CNTNAP2: variants seen among roughly 807,000 people sequenced by gnomAD.
CNTNAP2 encodes the protein contactin associated protein 2.
CNTNAP2 carries 98 observed loss-of-function variants against 155.2 expected under a neutral mutation model. That is an observed-to-expected ratio of 0.63 (90% CI 0.54 to 0.75). CNTNAP2 has a LOEUF of 0.75. Among genes scored for constraint, CNTNAP2 ranks in the 30% least tolerant of loss-of-function variants. CNTNAP2 has a pLI of 0.00. For missense variants in CNTNAP2, 1,727 were observed against 1,688.1 expected, an observed-to-expected ratio of 1.02 and a Z score of -0.40; for synonymous variants, 651 against 631.2, an observed-to-expected ratio of 1.03 and a Z score of -0.47.
chr7:147,033,195 T>TATATATATATAC (rs1799077114), intron 3 of CNTNAP2, among the ~76,000 whole-genome samples: 3 of 120,302 alleles, frequency 2.5e-5, no homozygotes, highest in Admixed American at 1.7e-4. Flanking sequence ...TATATATATA[T>TATATATATATAC]ATATATATGG....
chr7:146,457,727 T>A (rs1423875594), intron 1 of CNTNAP2, among the ~76,000 whole-genome samples: 4 of 151,194 alleles, frequency 2.6e-5, no homozygotes, highest in African/African-American at 9.7e-5. Flanking sequence ...ATGGTCTCGA[T>A]CTCCTGACCT....
chr7:147,186,124 T>C (rs1424967318), intron 8 of CNTNAP2, among the ~76,000 whole-genome samples: 3 of 152,066 alleles, frequency 2.0e-5, no homozygotes, highest in African/African-American at 7.2e-5. Context: ...AGAAGGAAAA[T>C]ATTACATTTC....
At chr7:147,637,517 G>A (rs748420763) in intron 12 of CNTNAP2, among the ~76,000 whole-genome samples, 2 of 152,066 alleles carry the variant, frequency 1.3e-5, no homozygotes, top group Non-Finnish European at 2.9e-5. Context: ...TCTACAGCAC[G>A]CTCTCTCTTG....
chr7:148,355,417 G>T (rs1208187744), intron 21 of CNTNAP2, among the ~76,000 whole-genome samples: 3 of 151,784 alleles, frequency 2.0e-5, no homozygotes, highest in African/African-American at 4.8e-5. Context: ...TCAACTGCCT[G>T]TTTTTTTCTG....
chr7:146,743,553 G>A (rs578009812), intron 1 of CNTNAP2, among the ~76,000 whole-genome samples: 1 of 151,000 alleles, frequency 6.6e-6, no homozygotes, highest in East Asian at 1.9e-4. Context: ...ACTCTTCTAT[G>A]CACTCCTGCC....
intron 1 of CNTNAP2, among the ~76,000 whole-genome samples, chr7:146,325,142 G>A (rs1801075469): frequency 6.6e-6 from 1 of 151,910 alleles, no homozygotes; most frequent in Non-Finnish European, 1.5e-5. Context: ...TGTTGCCCAG[G>A]CTGGTCTTGA....
At chr7:148,414,114 T>A (rs368858088) in intron 23 of CNTNAP2, among the ~76,000 whole-genome samples, 1,852 of 45,018 alleles carry the variant, frequency 0.041, 32 homozygotes, top group Middle Eastern at 0.16. Flanking sequence ...CCCCCCCCCC[T>A]CACACAAGCT....
At chr7:148,188,554 G>A (rs1367857151) in intron 18 of CNTNAP2, among the ~76,000 whole-genome samples, 1 of 152,108 alleles carries the variant, frequency 6.6e-6, no homozygotes, top group Non-Finnish European at 1.5e-5. Flanking sequence ...GTCTGCACTG[G>A]CAAAAAGAGA....
intron 3 of CNTNAP2, among the ~76,000 whole-genome samples, chr7:146,947,250 G>T (rs941166851): frequency 6.6e-6 from 1 of 151,304 alleles, no homozygotes; most frequent in Admixed American, 6.6e-5. Flanking sequence ...AAGTGGTGGT[G>T]TACATTTTGA....
intron 1 of CNTNAP2, among the ~76,000 whole-genome samples, chr7:146,188,346 A>G (rs1379874228): frequency 2.0e-5 from 3 of 152,220 alleles, no homozygotes; most frequent in Admixed American, 6.5e-5. Context: ...CTCAAAGTAT[A>G]TTAAGGCTGC....
At chr7:147,860,801 T>G (rs961270512) in intron 13 of CNTNAP2, among the ~76,000 whole-genome samples, 4 of 152,146 alleles carry the variant, frequency 2.6e-5, no homozygotes, top group Non-Finnish European at 4.4e-5. Context: ...GAAAATGCAC[T>G]AATACAATAT....
chr7:147,813,841 G>A (rs1474015764), intron 13 of CNTNAP2, among the ~76,000 whole-genome samples: 1 of 152,124 alleles, frequency 6.6e-6, no homozygotes, highest in African/African-American at 2.4e-5. Context: ...AAGGAATCTG[G>A]TATGATGATG....
At chr7:147,604,710 A>T (rs146073931) in intron 12 of CNTNAP2, among the ~76,000 whole-genome samples, 1 of 152,244 alleles carries the variant, frequency 6.6e-6, no homozygotes, top group African/African-American at 2.4e-5. Context: ...GAACCAACCA[A>T]TCCAGCAACT....
chr7:147,192,090 T>TA (rs1436830084), intron 8 of CNTNAP2, among the ~76,000 whole-genome samples: 1 of 152,178 alleles, frequency 6.6e-6, no homozygotes, highest in Non-Finnish European at 1.5e-5. Context: ...AGTAAATAAA[T>TA]AAATGCATAA....
intron 1 of CNTNAP2, among the ~76,000 whole-genome samples, chr7:146,631,600 C>T (rs186480108): frequency 2.6e-5 from 4 of 152,244 alleles, no homozygotes; most frequent in Non-Finnish European, 1.5e-5. Context: ...CTGGTCTCTT[C>T]TGAATTCTGG....
chr7:147,467,336 T>C (rs1798138375), intron 10 of CNTNAP2, among the ~76,000 whole-genome samples: 1 of 152,248 alleles, frequency 6.6e-6, no homozygotes, highest in African/African-American at 2.4e-5. Flanking sequence ...AACCTTAAAA[T>C]AATTTATTGC....
chr7:146,494,340 AAAATAAATAAATAAAAATAAAT>A, intron 1 of CNTNAP2, among the ~76,000 whole-genome samples: 1 of 151,048 alleles, frequency 6.6e-6, no homozygotes, highest in Non-Finnish European at 1.5e-5. Context: ...TGTCTCAAAA[AAAATAAATAAATAAAAATAAAT>A]AAATAAATAA....
At chr7:146,421,392 T>C (rs1214377370) in intron 1 of CNTNAP2, among the ~76,000 whole-genome samples, 2 of 151,994 alleles carry the variant, frequency 1.3e-5, no homozygotes, top group Non-Finnish European at 2.9e-5. Flanking sequence ...TAACTTCTAA[T>C]CTATTACTAG....
rs1238762933 is a variant in CNTNAP2, at chr7:147,762,827, G to A, written c.2098+123521G>A. Reference sequence around the variant, plus strand: ...GAAGGAAGGGAAGGAAAGGAAGAAGGAAGTTTGCCTCTTGAATTTTTCTAG... The same window carrying A: ...GAAGGAAGGGAAGGAAAGGAAGAAGAAAGTTTGCCTCTTGAATTTTTCTAG... On this transcript the variant is annotated intron_variant, in intron 13 of 23. Transcript: ENST00000361727. 4.8e-5 allele frequency among the ~76,000 whole-genome samples: 7 copies of A among 145,404 alleles called. No homozygotes were observed. The East Asian group carries it at 1.4e-3, about 29-fold the overall frequency.
Sources: allele counts gnomAD v4.1 joint callset (sites outside exome capture counted in the v4.1 genomes callset), GRCh38; gene constraint gnomAD v4.1.1; transcripts MANE v1.5; gene names NCBI Gene and HGNC (gene_info 2026-07-23, HGNC 2026-07-21).